Variants in ARHGAP22 observed in about 807,000 individuals in gnomAD.
The protein encoded by ARHGAP22 is rho GTPase-activating protein 22.
A neutral mutation model predicts 59.1 loss-of-function variants in ARHGAP22; 48 were observed. That is an observed-to-expected ratio of 0.81 (90% confidence interval 0.64 to 1.03). The LOEUF (loss-of-function observed/expected upper bound fraction) is 1.03, where lower values mean the gene tolerates loss of function less well. Among genes scored for constraint, ARHGAP22 ranks in the 50% least tolerant of loss-of-function variants. The pLI, the probability that ARHGAP22 is intolerant of heterozygous loss-of-function variation, is 0.00. For missense variants in ARHGAP22, 1,015 were observed against 958.7 expected (o/e 1.06, Z -0.78); for synonymous variants, 445 against 416.4 (o/e 1.07, Z -0.84).
At chr10:48,617,565 C>A (rs1589188669) in intron 1 of ARHGAP22, among the ~76,000 whole-genome samples, 1 of 151,922 alleles carries the variant, frequency 6.6e-6, no homozygotes, top group Non-Finnish European at 1.5e-5. Flanking sequence ...CAAAATCATA[C>A]AAACACATGA....
chr10:48,434,773 C>A, the ARHGAP22 span: 5 of 859,292 alleles, frequency 5.8e-6, no homozygotes, highest in African/African-American at 3.4e-5. Flanking sequence ...TTTTAGTGAG[C>A]CTTCGAAACC....
intron 4 of ARHGAP22, among the ~76,000 whole-genome samples, chr10:48,469,945 T>C (rs1294530552): frequency 6.6e-6 from 1 of 152,210 alleles, no homozygotes; most frequent in Non-Finnish European, 1.5e-5. Flanking sequence ...TCCCACTTAT[T>C]TGTGGTCTGG....
At chr10:48,604,478 G>A (rs1302679182) in intron 1 of ARHGAP22, among the ~76,000 whole-genome samples, 2 of 152,234 alleles carry the variant, frequency 1.3e-5, no homozygotes, top group African/African-American at 4.8e-5. Context: ...GTCACCTGGA[G>A]CGACCGAGGG....
At chr10:48,434,963 G>A in the ARHGAP22 span, 12 of 1,564,406 alleles carry the variant, frequency 7.7e-6, no homozygotes, top group Admixed American at 1.7e-5. Flanking sequence ...CAACAGATCC[G>A]ACTTTGGCCT....
intron 1 of ARHGAP22, among the ~76,000 whole-genome samples, chr10:48,589,676 T>G (rs1050715140): frequency 3.9e-5 from 6 of 152,160 alleles, no homozygotes; most frequent in Non-Finnish European, 8.8e-5. Context: ...AATCTGAAGA[T>G]TCTCTCAGTG....
chr10:48,537,741 G>A (rs1478272879), intron 3 of ARHGAP22, among the ~76,000 whole-genome samples: 1 of 152,208 alleles, frequency 6.6e-6, no homozygotes, highest in Non-Finnish European at 1.5e-5. Context: ...CCTGACCGCA[G>A]GCCTCCGGGA....
chr10:48,636,908 G>A (rs570486848), intron 1 of ARHGAP22, among the ~76,000 whole-genome samples: 10 of 152,350 alleles, frequency 6.6e-5, no homozygotes, highest in South Asian at 2.1e-4. Context: ...AAGGTAACAA[G>A]TTGGAATAGT....
At chr10:48,608,609 T>A (rs1473798672), upstream of ARHGAP22, among the ~76,000 whole-genome samples, 2 of 152,122 alleles carry the variant, frequency 1.3e-5, no homozygotes, top group Non-Finnish European at 2.9e-5. Flanking sequence ...CTTAGTGCAC[T>A]CTCTGTTCCT....
intron 1 of ARHGAP22, among the ~76,000 whole-genome samples, chr10:48,646,963 A>G (rs1014512841): frequency 7.9e-5 from 12 of 152,238 alleles, no homozygotes; most frequent in Admixed American, 5.9e-4. Context: ...GCCACAGACT[A>G]GGAGAAAATT....
intron 3 of ARHGAP22, among the ~76,000 whole-genome samples, chr10:48,509,827 G>C (rs537262518): frequency 1.3e-4 from 20 of 152,216 alleles, no homozygotes; most frequent in Non-Finnish European, 2.8e-4. Context: ...TCATGGAGGA[G>C]GGGGCACAGG....
intron 1 of ARHGAP22, among the ~76,000 whole-genome samples, chr10:48,642,442 C>T (rs1410246355): frequency 6.6e-6 from 1 of 152,326 alleles, no homozygotes; most frequent in African/African-American, 2.4e-5. Context: ...CACACATCTA[C>T]AACCATCTGA....
chr10:48,495,840 G>T (rs983443925), intron 3 of ARHGAP22, among the ~76,000 whole-genome samples: 17 of 152,356 alleles, frequency 1.1e-4, no homozygotes, highest in African/African-American at 2.9e-4. Context: ...AGGCTGCCCT[G>T]CTGGGAGCTG....
intron 1 of ARHGAP22, among the ~76,000 whole-genome samples, chr10:48,589,655 CT>C (rs1372150636): frequency 6.6e-6 from 1 of 152,206 alleles, no homozygotes; most frequent in Non-Finnish European, 1.5e-5. Flanking sequence ...CCTACAGTCC[CT>C]TAGTTTCCAA....
upstream of ARHGAP22, among the ~76,000 whole-genome samples, chr10:48,653,450 C>T (rs1298813525): frequency 6.6e-6 from 1 of 152,216 alleles, no homozygotes; most frequent in African/African-American, 2.4e-5. Context: ...CATCTTGGCC[C>T]ATGCCTTGGG....
In ARHGAP22 at chr10:48,454,076, C is replaced by G. The variant is rs777564913; in HGVS notation, c.866+12G>C. 6.2e-6 allele frequency: 10 copies of G among 1,613,480 alleles called. No homozygotes were observed. The South Asian group carries it at 1.1e-4, about 18-fold the overall frequency. ...GCAGGAAAGTGTGGTTCCCTCCTGC[C>G]AAGCCGCTTACTTGCAGATGTATCT... On this transcript the variant is annotated intron_variant, in intron 7 of 9. Coordinates refer to ENST00000249601, the MANE Select transcript of ARHGAP22 (RefSeq NM_021226.4).
chr10:48,551,974 G>C (rs1484994573), intron 3 of ARHGAP22, among the ~76,000 whole-genome samples: 5 of 152,244 alleles, frequency 3.3e-5, no homozygotes, highest in Admixed American at 6.5e-5. Context: ...TGGCTGAAAG[G>C]CTGGGGGTGG....
chr10:48,633,318 G>T (rs1252774657), intron 1 of ARHGAP22, among the ~76,000 whole-genome samples: 1 of 152,226 alleles, frequency 6.6e-6, no homozygotes, highest in African/African-American at 2.4e-5. Flanking sequence ...TGCTGGAGAA[G>T]TAAAACTGGG....
chr10:48,636,427 T>A (rs2061819823), intron 1 of ARHGAP22, among the ~76,000 whole-genome samples: 1 of 152,274 alleles, frequency 6.6e-6, no homozygotes, highest in East Asian at 1.9e-4. Flanking sequence ...CTTCCAGGAA[T>A]GTCTGCTTGA....
intron 3 of ARHGAP22, among the ~76,000 whole-genome samples, 193 bp from the exon 4 acceptor site, chr10:48,479,957 C>T (rs1007569681): frequency 3.9e-5 from 6 of 152,210 alleles, no homozygotes; most frequent in African/African-American, 1.4e-4. Context: ...TTCCCATTTT[C>T]TCTTTTTTCC....
Sources: allele counts gnomAD v4.1 joint callset (sites outside exome capture counted in the v4.1 genomes callset), GRCh38; gene constraint gnomAD v4.1.1; transcripts MANE v1.5; gene names NCBI Gene and HGNC (gene_info 2026-07-23, HGNC 2026-07-21).